NAA15: variants seen among roughly 807,000 people sequenced by gnomAD.
NAA15 encodes the protein N-terminal acetyltransferase.
A neutral mutation model predicts 114.0 loss-of-function variants in NAA15; 34 were observed. The observed-to-expected ratio is 0.30, with a 90% CI of 0.23 to 0.40. The LOEUF (loss-of-function observed/expected upper bound fraction) is 0.40, where lower values mean the gene tolerates loss of function less well. NAA15 is among the 10% of genes least tolerant of loss of function. NAA15 has a pLI of 1.00. For synonymous variants in NAA15, 340 were observed against 338.0 expected (o/e 1.01, Z -0.06); for missense variants, 658 against 1,004.5 (o/e 0.66, Z 4.66).
chr4:139,349,657 C>T (rs1412801335), intron 7 of NAA15, 76 bp downstream of exon 7: 3 of 1,384,424 alleles, frequency 2.2e-6, no homozygotes, highest in African/African-American at 3.0e-5. Flanking sequence ...TTGAAAAGCA[C>T]AACTAGAATA....
intron 11 of NAA15, among the ~76,000 whole-genome samples, chr4:139,358,615 T>C (rs1374528103): frequency 6.6e-6 from 1 of 152,200 alleles, no homozygotes; most frequent in Non-Finnish European, 1.5e-5. Flanking sequence ...GTTTGTTACA[T>C]AGGTATACAT....
intron 2 of NAA15, among the ~76,000 whole-genome samples, chr4:139,335,099 T>G (rs1441309533): frequency 4.6e-5 from 7 of 152,178 alleles, no homozygotes; most frequent in Admixed American, 4.6e-4. Flanking sequence ...GCAGGAGGAT[T>G]GCTTGAGGCC....
chr4:139,353,640 T>C (rs1190435365), intron 9 of NAA15, among the ~76,000 whole-genome samples: 1 of 152,238 alleles, frequency 6.6e-6, no homozygotes, highest in East Asian at 1.9e-4. Flanking sequence ...TACTGTCATC[T>C]ACTTAGAGAA....
intron 4 of NAA15, among the ~76,000 whole-genome samples, 186 bp from the exon 5 acceptor site, chr4:139,342,640 G>GGGT (rs751738642): frequency 6.6e-6 from 1 of 151,872 alleles, no homozygotes; most frequent in Non-Finnish European, 1.5e-5. Flanking sequence ...GATAGAGACG[G>GGGT]GGTTTCACCA....
chr4:139,375,738 C>T (rs2110988565), intron 15 of NAA15, among the ~76,000 whole-genome samples: 1 of 152,152 alleles, frequency 6.6e-6, no homozygotes, highest in South Asian at 2.1e-4. Flanking sequence ...AGAATAGTAG[C>T]ACAATTGCAT....
At chr4:139,380,251 GT>G (rs955984058) in intron 17 of NAA15, among the ~76,000 whole-genome samples, 11 of 131,364 alleles carry the variant, frequency 8.4e-5, no homozygotes, top group East Asian at 2.2e-4. Flanking sequence ...TTTCTCTTTA[GT>G]TTTTTTGGGG....
chr4:139,383,755 G>A (rs900239554), intron 17 of NAA15, among the ~76,000 whole-genome samples: 2 of 152,208 alleles, frequency 1.3e-5, no homozygotes, highest in African/African-American at 4.8e-5. Flanking sequence ...ACAGGTGTGA[G>A]CCACCGTGCC....
rs994795063 is a variant in NAA15, at chr4:139,341,084, G to T, written c.402+15G>T. The T allele has an allele frequency of 4.1e-6, 6 of 1,474,446 alleles. No individual in the cohort carries two copies. The highest frequency in any genetic ancestry group is 5.4e-6 in the Non-Finnish European group (6 of 1,111,344). 91.3% of individuals were successfully genotyped at this position (1,474,446 alleles called of 1,614,324 possible). ...AGGGTTACAGGGTAAGTAAAATAGAGACTTTTTTTTTTAATTCTAAGGGGA... is the reference window on the plus strand; with the variant it reads ...AGGGTTACAGGGTAAGTAAAATAGATACTTTTTTTTTTAATTCTAAGGGGA... On this transcript the variant is annotated intron_variant, in intron 4 of 19. Transcript: ENST00000296543.
intron 1 of NAA15, among the ~76,000 whole-genome samples, chr4:139,323,019 G>T (rs890163137): frequency 1.0e-4 from 15 of 150,338 alleles, no homozygotes; most frequent in Non-Finnish European, 2.1e-4. Context: ...GAGGATGGAG[G>T]ATTCCTGTGG....
chr4:139,345,345 A>G (rs1332661100), intron 6 of NAA15, among the ~76,000 whole-genome samples: 3 of 152,204 alleles, frequency 2.0e-5, no homozygotes, highest in Non-Finnish European at 4.4e-5. Context: ...GAAAGATGGC[A>G]AGTCTGGAAA....
intron 1 of NAA15, among the ~76,000 whole-genome samples, chr4:139,307,414 G>A (rs116533347): frequency 0.022 from 3,371 of 152,198 alleles, 51 homozygotes; most frequent in Non-Finnish European, 0.032. Context: ...GACTACAGGC[G>A]TGCCACCACG....
chr4:139,388,330 T>A lies in NAA15; in HGVS notation c.*246T>A. The A allele has an allele frequency of 3.3e-6, 1 of 306,540 alleles. No homozygotes were observed. The highest frequency in any genetic ancestry group is 6.1e-5 in the East Asian group (1 of 16,402). 19.0% of individuals were successfully genotyped at this position (306,540 alleles called of 1,614,324 possible). ...AAATTGAGTGGTTAAAAAAGATACC[T>A]TATCCTATTCCTCCCCACCCACCCA... On this transcript the variant is annotated 3_prime_UTR_variant, in exon 20 of 20. Transcript: ENST00000296543.
In NAA15 at chr4:139,376,938, T is replaced by C. The variant is rs190732044; in HGVS notation, c.2056+465T>C. Among the ~76,000 whole-genome samples, 764 of 152,256 alleles carry C rather than the reference T, an allele frequency of 5.0e-3. 5 individuals carry two copies. The highest frequency in any genetic ancestry group is 0.01 in the Middle Eastern group (3 of 294). ...GGCAAGAGTATCTGTTAAGAAAACA[T>C]AGGAGTGTGTAAATAATGTTGAGGT... is the stretch of plus-strand genomic sequence containing the variant. On this transcript the variant is annotated intron_variant, in intron 16 of 19. Coordinates refer to ENST00000296543, the MANE Select transcript of NAA15 (RefSeq NM_057175.5).
In NAA15 at chr4:139,351,505, G is replaced by A; in HGVS notation, c.908G>A (p.Gly303Asp). Residue 303 changes from glycine (G) to aspartate (D), a missense_variant and splice_region_variant, in exon 9 of 20, where the codon GGT (glycine) becomes GAT (aspartate). Physicochemically the swap from Gly to Asp is moderately conservative, Grantham distance 94. Transcript: ENST00000296543. ...GCGAAAAGGATTTTTCTCTTCCAAGGTGAGAAGTTTAAAGAATGTTTGGAT... is the reference window on the plus strand; with the variant it reads ...GCGAAAAGGATTTTTCTCTTCCAAGATGAGAAGTTTAAAGAATGTTTGGAT... ...PRRLPLNFLS[G>D]EKFKECLDKF... The A allele has an allele frequency of 1.3e-6, 2 of 1,564,970 alleles. No homozygotes were observed. The highest frequency in any genetic ancestry group is 1.8e-6 in the Non-Finnish European group (2 of 1,136,996).
rs1162851242 is a variant in NAA15, at chr4:139,389,370, C to G, written c.*1286C>G. 1 of 152,456 alleles carries G rather than the reference C, an allele frequency of 6.6e-6. No homozygotes were observed. The highest frequency in any genetic ancestry group is 1.5e-5 in the Non-Finnish European group (1 of 68,026). 9.4% of individuals were successfully genotyped at this position (152,456 alleles called of 1,614,324 possible). On this transcript the variant is annotated 3_prime_UTR_variant, in exon 20 of 20. Coordinates refer to ENST00000296543, the MANE Select transcript of NAA15 (RefSeq NM_057175.5). ...CTGTGTTGGGCTTCTGTGAAATACA[C>G]AGGTGGAAACAGAGGTGCAAGCCAG...
At chr4:139,341,766 G>A (rs1305458993) in intron 4 of NAA15, among the ~76,000 whole-genome samples, 1 of 151,182 alleles carries the variant, frequency 6.6e-6, no homozygotes, top group Non-Finnish European at 1.5e-5. Context: ...CTGTTGCCCA[G>A]GCTGGAGTGC....
At chr4:139,322,780 C>T (rs555961607) in intron 1 of NAA15, among the ~76,000 whole-genome samples, 1 of 152,174 alleles carries the variant, frequency 6.6e-6, no homozygotes, top group Non-Finnish European at 1.5e-5. Flanking sequence ...CAACCTCCAC[C>T]TCCTGGGTTC....
intron 17 of NAA15, among the ~76,000 whole-genome samples, chr4:139,379,745 A>G (rs1051419228): frequency 1.3e-5 from 2 of 152,176 alleles, no homozygotes; most frequent in Admixed American, 6.5e-5. Flanking sequence ...AATTGTCCCA[A>G]TTGAGAACAT....
At position 139,391,029 on chromosome 4, in the gene NAA15, A is replaced by G. The variant is rs1749045702; in HGVS notation, c.*2945A>G. 1 of 152,236 alleles carries G rather than the reference A, an allele frequency of 6.6e-6. No individual in the cohort carries two copies. The highest frequency in any genetic ancestry group is 1.5e-5 in the Non-Finnish European group (1 of 68,048). 9.4% of individuals were successfully genotyped at this position (152,236 alleles called of 1,614,324 possible). A position where few individuals can be genotyped will look rare whatever the true frequency, so the allele number is the denominator to read the frequency against. Reference sequence around the variant, plus strand: ...AGTTACCATGTATAGTATTTGGGAAAAGCTGTAATGTAAAATATTGGACTT... The same window carrying G: ...AGTTACCATGTATAGTATTTGGGAAGAGCTGTAATGTAAAATATTGGACTT... On this transcript the variant is annotated 3_prime_UTR_variant, in exon 20 of 20. Transcript: ENST00000296543.
Sources: allele counts gnomAD v4.1 joint callset (sites outside exome capture counted in the v4.1 genomes callset), GRCh38; gene constraint gnomAD v4.1.1; transcripts MANE v1.5; gene names NCBI Gene and HGNC (gene_info 2026-07-23, HGNC 2026-07-21).